The following SEMA3A variants were observed in gnomAD, a reference collection of about 807,000 sequenced individuals.
SEMA3A encodes semaphorin 3A, also known as semaphorin-3A.
A neutral mutation model predicts 97.9 loss-of-function variants in SEMA3A; 29 were observed. The ratio of observed to expected loss-of-function variants is 0.30; its 90% CI spans 0.22 to 0.40. The LOEUF is 0.40. SEMA3A is among the 10% of genes least tolerant of loss of function. The pLI, the probability that SEMA3A is intolerant of heterozygous loss-of-function variation, is 1.00. For synonymous variants in SEMA3A, 321 were observed against 323.7 expected, an observed-to-expected ratio of 0.99 and a Z score of 0.09; for missense variants, 763 against 951.3, an observed-to-expected ratio of 0.80 and a Z score of 2.60.
chr7:84,052,909 T>C (rs1364622792), intron 5 of SEMA3A, among the ~76,000 whole-genome samples: 1 of 151,850 alleles, frequency 6.6e-6, no homozygotes, highest in Non-Finnish European at 1.5e-5. Flanking sequence ...TCTGGTATGT[T>C]GTGTCTTTGT....
At chr7:84,017,117 A>G (rs1240961383) in intron 6 of SEMA3A, among the ~76,000 whole-genome samples, 1 of 152,228 alleles carries the variant, frequency 6.6e-6, no homozygotes, top group Non-Finnish European at 1.5e-5. Flanking sequence ...GTCTAACAAA[A>G]GCAATGTTAA....
intron 5 of SEMA3A, among the ~76,000 whole-genome samples, chr7:84,055,764 T>G (rs1792945727): frequency 6.6e-6 from 1 of 152,188 alleles, no homozygotes; most frequent in East Asian, 1.9e-4. Context: ...ATAGTGTTAA[T>G]TTGACAATTT....
intron 1 of SEMA3A, among the ~76,000 whole-genome samples, chr7:84,168,031 T>A (rs1426820747): frequency 6.6e-6 from 1 of 152,124 alleles, no homozygotes; most frequent in Non-Finnish European, 1.5e-5. Flanking sequence ...TCCTGTAGAT[T>A]ATAAAACCAT....
intron 1 of SEMA3A, among the ~76,000 whole-genome samples, chr7:84,396,554 A>C (rs1207360598): frequency 1.3e-5 from 2 of 151,924 alleles, no homozygotes; most frequent in Non-Finnish European, 2.9e-5. Flanking sequence ...ATACCTTATA[A>C]ATTTATAATT....
At chr7:84,424,687 ATAAT>A (rs1373654457) in intron 1 of SEMA3A, among the ~76,000 whole-genome samples, 7 of 85,048 alleles carry the variant, frequency 8.2e-5, no homozygotes, top group Non-Finnish European at 1.2e-4. Context: ...ATATAAATAT[ATAAT>A]ATATTGATAT....
intron 5 of SEMA3A, among the ~76,000 whole-genome samples, chr7:84,050,566 T>A (rs1217300585): frequency 6.6e-6 from 1 of 152,148 alleles, no homozygotes; most frequent in Admixed American, 6.6e-5. Context: ...GTATGTTTTT[T>A]TCTTGTAAAT....
intron 4 of SEMA3A, among the ~76,000 whole-genome samples, chr7:84,067,062 A>T (rs1245278129): frequency 6.6e-6 from 1 of 152,216 alleles, no homozygotes; most frequent in Non-Finnish European, 1.5e-5. Flanking sequence ...TGGTACTGCT[A>T]CCAAAACAGA....
intron 6 of SEMA3A, among the ~76,000 whole-genome samples, 197 bp from the exon 7 acceptor site, chr7:84,014,548 G>GA (rs1327880389): frequency 1.3e-5 from 2 of 151,908 alleles, no homozygotes; most frequent in Admixed American, 1.3e-4. Flanking sequence ...TATATCTCTA[G>GA]AAAAATGTAT....
chr7:84,052,627 G>A (rs1016382541), intron 5 of SEMA3A, among the ~76,000 whole-genome samples: 15 of 151,792 alleles, frequency 9.9e-5, no homozygotes, highest in African/African-American at 2.4e-4. Context: ...TCTTGCTAGC[G>A]GCCTATCAAT....
At chr7:83,972,793 C>T (rs964241954) in intron 15 of SEMA3A, among the ~76,000 whole-genome samples, 3 of 152,056 alleles carry the variant, frequency 2.0e-5, no homozygotes, top group East Asian at 1.9e-4. Flanking sequence ...AATAATGATA[C>T]GCAAGCTATT....
At chr7:84,281,329 C>T (rs1026281536) in intron 3 of SEMA3A, among the ~76,000 whole-genome samples, 2 of 152,114 alleles carry the variant, frequency 1.3e-5, no homozygotes, top group African/African-American at 4.8e-5. Flanking sequence ...AAAGGCCAGC[C>T]TTATGATAAC....
intron 5 of SEMA3A, among the ~76,000 whole-genome samples, chr7:84,058,470 A>G (rs1449460874): frequency 6.6e-6 from 1 of 152,216 alleles, no homozygotes; most frequent in Non-Finnish European, 1.5e-5. Flanking sequence ...TAAATGTACC[A>G]TAAGAGGAAG....
At chr7:84,347,254 CA>C (rs1250861200) in intron 2 of SEMA3A, among the ~76,000 whole-genome samples, 1 of 151,896 alleles carries the variant, frequency 6.6e-6, no homozygotes, top group East Asian at 1.9e-4. Context: ...TCTTAATAAA[CA>C]AAAAAGGCAG....
At chr7:84,323,646 C>G (rs1801705701) in intron 2 of SEMA3A, among the ~76,000 whole-genome samples, 1 of 152,200 alleles carries the variant, frequency 6.6e-6, no homozygotes, top group South Asian at 2.1e-4. Context: ...ATGACCCCTT[C>G]TTACAATGAA....
intron 3 of SEMA3A, among the ~76,000 whole-genome samples, chr7:84,293,734 T>C (rs975860887): frequency 6.6e-6 from 1 of 151,954 alleles, no homozygotes; most frequent in Non-Finnish European, 1.5e-5. Flanking sequence ...AAAATCTTAA[T>C]AGGTTTACCT....
chr7:84,414,563 T>A (rs998827638), intron 1 of SEMA3A, among the ~76,000 whole-genome samples: 1 of 152,136 alleles, frequency 6.6e-6, no homozygotes, highest in Non-Finnish European at 1.5e-5. Context: ...ATGGTCATTA[T>A]GTGATTCTAG....
At chr7:84,491,593 T>C (rs1340946729) in intron 1 of SEMA3A, among the ~76,000 whole-genome samples, 1 of 152,148 alleles carries the variant, frequency 6.6e-6, no homozygotes, top group Non-Finnish European at 1.5e-5. Flanking sequence ...AGTTAGCCTG[T>C]TAACACAATT....
At chr7:84,353,876 C>T in intron 2 of SEMA3A, among the ~76,000 whole-genome samples, 1 of 151,560 alleles carries the variant, frequency 6.6e-6, no homozygotes, top group Non-Finnish European at 1.5e-5. Context: ...TCAATTTTAT[C>T]TTCTTTTTAA....
At chr7:84,124,320 T>C (rs1283220924) in intron 3 of SEMA3A, among the ~76,000 whole-genome samples, 1 of 152,160 alleles carries the variant, frequency 6.6e-6, no homozygotes, top group Non-Finnish European at 1.5e-5. Flanking sequence ...CAGTAGGAAA[T>C]GGTAAGTGCA....
Sources: gnomAD v4.1 joint callset for allele counts (sites outside exome capture counted in the v4.1 genomes callset) on GRCh38, gnomAD v4.1.1 for gene constraint, MANE v1.5 for transcripts, NCBI Gene and HGNC (gene_info 2026-07-23, HGNC 2026-07-21) for gene names.